CELF4: variants seen among roughly 807,000 people sequenced by gnomAD.
The protein encoded by CELF4 is CUGBP Elav-like family member 4, also known as CUG-BP- and ETR-3-like factor 4.
CELF4 carries 18 observed loss-of-function variants against 59.9 expected under a neutral mutation model. The ratio of observed to expected loss-of-function variants is 0.30; its 90% CI spans 0.21 to 0.45. CELF4 has a LOEUF of 0.45. CELF4 is among the 20% of genes least tolerant of loss of function. The pLI is 1.00. For synonymous variants in CELF4, 261 were observed against 267.1 expected (o/e 0.98, Z 0.22); for missense variants, 456 against 689.0 (o/e 0.66, Z 3.79).
chr18:37,255,012 G>A (rs2068321472), intron 11 of CELF4, among the ~76,000 whole-genome samples: 1 of 152,204 alleles, frequency 6.6e-6, no homozygotes, highest in Admixed American at 6.5e-5. Context: ...TCACCGAGTT[G>A]TAGTAAATGA....
At chr18:37,326,257 G>A (rs1255966921) in intron 2 of CELF4, among the ~76,000 whole-genome samples, 2 of 152,194 alleles carry the variant, frequency 1.3e-5, no homozygotes, top group African/African-American at 4.8e-5. Flanking sequence ...GGAGGGAAGA[G>A]CCAGGAGTGA....
At chr18:37,431,524 C>A (rs529245889) in intron 2 of CELF4, among the ~76,000 whole-genome samples, 19 of 152,090 alleles carry the variant, frequency 1.2e-4, no homozygotes, top group South Asian at 8.3e-4. Flanking sequence ...CCCGCCACCA[C>A]GCCCAGCTAA....
intron 2 of CELF4, among the ~76,000 whole-genome samples, chr18:37,327,225 T>C (rs996617585): frequency 5.9e-5 from 9 of 152,128 alleles, no homozygotes; most frequent in African/African-American, 2.2e-4. Flanking sequence ...CCAAGTCTAC[T>C]CCCACCAGCC....
intron 2 of CELF4, among the ~76,000 whole-genome samples, chr18:37,424,992 C>T (rs935709822): frequency 3.3e-5 from 5 of 152,234 alleles, no homozygotes; most frequent in Admixed American, 2.6e-4. Context: ...TGCTCTCTGG[C>T]CACTGTGGTC....
At chr18:37,287,010 G>T (rs2094853977) in intron 3 of CELF4, among the ~76,000 whole-genome samples, 2 of 152,116 alleles carry the variant, frequency 1.3e-5, no homozygotes, top group African/African-American at 4.8e-5. Flanking sequence ...GCGCCCTCAG[G>T]ACAGCCCTTC....
At chr18:37,410,462 G>T (rs1449787306) in intron 2 of CELF4, among the ~76,000 whole-genome samples, 3 of 152,238 alleles carry the variant, frequency 2.0e-5, no homozygotes, top group Non-Finnish European at 4.4e-5. Flanking sequence ...TCCACACCTG[G>T]GCTACCAGAA....
At chr18:37,388,931 T>C (rs1029452751) in intron 2 of CELF4, among the ~76,000 whole-genome samples, 1 of 152,122 alleles carries the variant, frequency 6.6e-6, no homozygotes, top group Non-Finnish European at 1.5e-5. Context: ...ACTTCCTGGG[T>C]GCTCCTGTGC....
At chr18:37,308,983 C>T (rs1225455322) in intron 3 of CELF4, among the ~76,000 whole-genome samples, 3 of 152,188 alleles carry the variant, frequency 2.0e-5, no homozygotes, top group African/African-American at 7.2e-5. Flanking sequence ...GGTTCAGCTT[C>T]AGACCCTCTT....
intron 1 of CELF4, among the ~76,000 whole-genome samples, chr18:37,504,772 C>A (rs1229773850): frequency 6.6e-6 from 1 of 152,156 alleles, no homozygotes; most frequent in African/African-American, 2.4e-5. Context: ...CATTTTTTGG[C>A]GTGTCTGTGA....
intron 3 of CELF4, 91 bp downstream of exon 3, chr18:37,321,712 G>T (rs2097126641): frequency 1.1e-5 from 10 of 891,516 alleles, no homozygotes; most frequent in Non-Finnish European, 1.8e-5. Context: ...AGAGGAGGAG[G>T]CGGGGAGTCG....
chr18:37,338,463 A>T (rs1019640518), intron 2 of CELF4, among the ~76,000 whole-genome samples: 2 of 152,124 alleles, frequency 1.3e-5, no homozygotes, highest in Non-Finnish European at 2.9e-5. Context: ...TACCACCATC[A>T]TATAACCAGT....
chr18:37,394,319 G>A (rs933439142), intron 2 of CELF4, among the ~76,000 whole-genome samples: 1 of 152,208 alleles, frequency 6.6e-6, no homozygotes, highest in Non-Finnish European at 1.5e-5. Flanking sequence ...GGAATTGGGC[G>A]GCTTCTCCCC....
rs745705217 is a variant in CELF4, at chr18:37,253,633, G to A, written c.*44+134C>T. The A allele has an allele frequency of 1.7e-6, 1 of 603,428 alleles. No homozygotes were observed. The highest frequency in any genetic ancestry group is 2.6e-5 in the South Asian group (1 of 38,472). The allele number at this position is 603,428 out of a possible 1,614,324, so 37.4% of individuals were successfully genotyped here. On this transcript the variant is annotated intron_variant, in intron 12 of 12. Transcript: ENST00000420428. This position sits in a 1 kb window ranked among gnomAD's most constrained non-coding sequence, Gnocchi z 4.5. Reference sequence around the variant, plus strand: ...CTGCGCCTGGCCCGAGGAGCAGGGCGAGGAGCAGGTTGAGCCGGGCGCAGC... The same window carrying A: ...CTGCGCCTGGCCCGAGGAGCAGGGCAAGGAGCAGGTTGAGCCGGGCGCAGC...
chr18:37,281,356 C>T (rs938132605), intron 3 of CELF4, among the ~76,000 whole-genome samples: 13 of 152,250 alleles, frequency 8.5e-5, no homozygotes, highest in African/African-American at 3.1e-4. Flanking sequence ...TTACCATCAG[C>T]ATTAAACAAT....
chr18:37,248,375 A>G (rs1196585745), intron 12 of CELF4, among the ~76,000 whole-genome samples: 1 of 152,192 alleles, frequency 6.6e-6, no homozygotes, highest in Admixed American at 6.5e-5. Flanking sequence ...GCATCTAGGC[A>G]CATGAAGCCC....
chr18:37,515,613 T>G (rs2154604470), intron 1 of CELF4, among the ~76,000 whole-genome samples: 1 of 152,288 alleles, frequency 6.6e-6, no homozygotes, highest in South Asian at 2.1e-4. Flanking sequence ...AGCTCACAGC[T>G]TGACTGGGAC....
chr18:37,483,963 C>A (rs1300123559), intron 2 of CELF4, among the ~76,000 whole-genome samples: 21 of 152,168 alleles, frequency 1.4e-4, no homozygotes, highest in Non-Finnish European at 3.1e-4. Flanking sequence ...AGATCCTCAA[C>A]AATCCACACT....
At chr18:37,410,390 T>C (rs186474215) in intron 2 of CELF4, among the ~76,000 whole-genome samples, 505 of 152,350 alleles carry the variant, frequency 3.3e-3, no homozygotes, top group East Asian at 6.2e-3. Flanking sequence ...CCTCCACTCC[T>C]GGGCACATGA....
chr18:37,244,576 GTTTT>G lies in CELF4; in HGVS notation c.*662_*665del, dbSNP rs1270768075. 4.0e-5 allele frequency: 6 copies of G among 149,586 alleles called. No homozygotes were observed. The highest frequency in any genetic ancestry group is 2.0e-4 in the Admixed American group (3 of 15,074). 9.3% of individuals were successfully genotyped at this position (149,586 alleles called of 1,614,324 possible). A position where few individuals can be genotyped will look rare whatever the true frequency, so the allele number is the denominator to read the frequency against. Reference sequence around the variant, plus strand: ...TTTTCCTTTTTTTGTTGTTTTTTTTGTTTTTTGTTTTTTTTTTAATTTTTTATTA... The same window carrying G: ...TTTTCCTTTTTTTGTTGTTTTTTTTGTTGTTTTTTTTTTAATTTTTTATTA... On this transcript the variant is annotated 3_prime_UTR_variant, in exon 13 of 13. Transcript: ENST00000420428.
Sources: allele counts gnomAD v4.1 joint callset (sites outside exome capture counted in the v4.1 genomes callset), GRCh38; gene constraint gnomAD v4.1.1; non-coding constraint Gnocchi (gnomAD v3.1); transcripts MANE v1.5; gene names NCBI Gene and HGNC (gene_info 2026-07-23, HGNC 2026-07-21).